RANBP2: variants seen among roughly 807,000 people sequenced by gnomAD.
RANBP2 encodes E3 SUMO-protein ligase RanBP2.
In RANBP2, 57 loss-of-function variants were observed where a neutral mutation model predicts 303.6. The ratio of observed to expected loss-of-function variants is 0.19; its 90% CI spans 0.15 to 0.23. The LOEUF is 0.23. RANBP2 is among the 10% of genes least tolerant of loss of function. RANBP2 has a pLI of 1.00. For missense variants in RANBP2, 3,138 were observed against 3,780.8 expected, an observed-to-expected ratio of 0.83 and a Z score of 4.46; for synonymous variants, 1,167 against 1,301.5, an observed-to-expected ratio of 0.90 and a Z score of 2.23.
the RANBP2 span, among the ~76,000 whole-genome samples, chr2:109,123,594 T>C: frequency 1.3e-5 from 2 of 152,226 alleles, no homozygotes; most frequent in Admixed American, 1.3e-4. Flanking sequence ...GTCCCCCACT[T>C]TGGATGCAAG....
the RANBP2 span, among the ~76,000 whole-genome samples, chr2:109,377,096 G>T: frequency 2.0e-5 from 3 of 152,230 alleles, no homozygotes; most frequent in African/African-American, 7.2e-5. Flanking sequence ...TTTCCCTGGG[G>T]GGAGGTCTAG....
chr2:109,199,639 G>A, the RANBP2 span, among the ~76,000 whole-genome samples: 1 of 34 alleles, frequency 0.029, no homozygotes, highest in Admixed American at 0.12. Context: ...GAATGGAATG[G>A]AATGGAATGG....
the RANBP2 span, among the ~76,000 whole-genome samples, chr2:109,065,166 G>T: frequency 6.6e-6 from 1 of 152,286 alleles, no homozygotes; most frequent in African/African-American, 2.4e-5. Flanking sequence ...CCAACATTAG[G>T]AGGCACTCTA....
At chr2:109,169,838 C>G in the RANBP2 span, among the ~76,000 whole-genome samples, 2 of 152,002 alleles carry the variant, frequency 1.3e-5, no homozygotes, top group African/African-American at 4.8e-5. Flanking sequence ...AGGAAGTGGG[C>G]TATATAAAAC....
chr2:108,794,505 T>G, the RANBP2 span: 1 of 1,554,190 alleles, frequency 6.4e-7, no homozygotes, highest in South Asian at 1.2e-5. Context: ...AATAAGTTAA[T>G]AAAGTTTATA....
the RANBP2 span, among the ~76,000 whole-genome samples, chr2:109,156,536 C>T: frequency 6.6e-6 from 1 of 151,938 alleles, no homozygotes; most frequent in Non-Finnish European, 1.5e-5. Context: ...GCCTTTACCT[C>T]CTGAGTTCAA....
the RANBP2 span, among the ~76,000 whole-genome samples, chr2:108,972,294 C>G: frequency 6.6e-6 from 1 of 152,258 alleles, no homozygotes; most frequent in African/African-American, 2.4e-5. Flanking sequence ...ACTTCAATAG[C>G]CATGCCGGCC....
the RANBP2 span, chr2:109,437,039 C>T: frequency 1.9e-6 from 3 of 1,613,854 alleles, no homozygotes; most frequent in Admixed American, 3.3e-5. Flanking sequence ...CCCATCACCA[C>T]TCCCCAGGCC....
the RANBP2 span, among the ~76,000 whole-genome samples, chr2:109,136,071 A>G: frequency 1.3e-5 from 2 of 152,142 alleles, no homozygotes; most frequent in South Asian, 2.1e-4. Flanking sequence ...ATTCTATCCA[A>G]TTGTTTCTTC....
the RANBP2 span, chr2:109,141,424 G>A: frequency 1.1e-4 from 17 of 153,234 alleles, no homozygotes; most frequent in Middle Eastern, 3.1e-3. Context: ...TCCGCACCGC[G>A]CCAAGCTCAT....
the RANBP2 span, among the ~76,000 whole-genome samples, chr2:108,990,495 C>T: frequency 1.3e-5 from 2 of 148,872 alleles, no homozygotes; most frequent in Non-Finnish European, 3.0e-5. Flanking sequence ...TGTGTGGAGG[C>T]TAAAGCAGGA....
chr2:109,218,608 C>G, the RANBP2 span, among the ~76,000 whole-genome samples: 3 of 152,308 alleles, frequency 2.0e-5, no homozygotes, highest in East Asian at 5.8e-4. Context: ...CCTCTCCTCT[C>G]AGCCAAAAAG....
chr2:109,639,346 C>T, the RANBP2 span, among the ~76,000 whole-genome samples: 3 of 152,202 alleles, frequency 2.0e-5, no homozygotes, highest in East Asian at 1.9e-4. Context: ...CTCAGCTGGA[C>T]GCGGTGGCTC....
At chr2:109,092,971 A>G in the RANBP2 span, among the ~76,000 whole-genome samples, 3 of 152,178 alleles carry the variant, frequency 2.0e-5, no homozygotes, top group African/African-American at 4.8e-5. Flanking sequence ...AAACTTTGCT[A>G]TGGATCCCTG....
chr2:109,068,179 G>A, the RANBP2 span, among the ~76,000 whole-genome samples: 43 of 152,332 alleles, frequency 2.8e-4, 1 homozygote, highest in South Asian at 1.2e-3. Flanking sequence ...ACACCATGTC[G>A]TTTACTTTTT....
the RANBP2 span, among the ~76,000 whole-genome samples, chr2:109,133,722 ATT>A: frequency 0.066 from 8,439 of 128,818 alleles, 613 homozygotes; most frequent in African/African-American, 0.2. Flanking sequence ...CCAAGGGACA[ATT>A]TTTTTTTTTT....
chr2:108,764,674 A>G lies in RANBP2; in HGVS notation c.4135A>G (p.Asn1379Asp), dbSNP rs1558920780. The G allele has an allele frequency of 1.9e-6, 3 of 1,613,978 alleles. No homozygotes were observed. Among genetic ancestry groups the G allele is most frequent in the Non-Finnish European group, 2.5e-6 (3 of 1,179,978 alleles). The change falls in exon 20 of 29, where the codon AAC (asparagine) becomes GAC (aspartate). Residue 1379 changes from asparagine to aspartate, a missense_variant. Around this residue, in one of 20 missense-constraint regions of RANBP2, gnomAD observed 388 missense variants for 328.5 expected, o/e 1.18. Coordinates refer to ENST00000283195, the MANE Select transcript of RANBP2 (RefSeq NM_006267.5). ...AKKCVSCQNL[N>D]PSNKELVGPP... ...GAAATGTGTATCATGCCAAAATCTA[A>G]ACCCAAGCAATAAAGAGCTCGTTGG...
chr2:109,158,626 G>A, the RANBP2 span, among the ~76,000 whole-genome samples: 1 of 152,186 alleles, frequency 6.6e-6, no homozygotes, highest in Non-Finnish European at 1.5e-5. Context: ...AGGACTTTGA[G>A]GCTTGAGGGA....
chr2:108,745,882 C>G (rs538810122), intron 7 of RANBP2, among the ~76,000 whole-genome samples: 3 of 150,420 alleles, frequency 2.0e-5, no homozygotes, highest in Non-Finnish European at 3.0e-5. Flanking sequence ...ACTAATTTCT[C>G]AGAGTTGCTC....
Sources: allele counts gnomAD v4.1 joint callset (sites outside exome capture counted in the v4.1 genomes callset), GRCh38; gene constraint gnomAD v4.1.1; regional missense constraint gnomAD v4.1.1; transcripts MANE v1.5; gene names NCBI Gene and HGNC (gene_info 2026-07-23, HGNC 2026-07-21).